The following TBC1D7 variants were observed in gnomAD, a reference collection of about 807,000 sequenced individuals.
The protein encoded by TBC1D7 is TBC domain family 7.
TBC1D7 carries 33 observed loss-of-function variants against 35.3 expected under a neutral mutation model. The ratio of observed to expected loss-of-function variants is 0.93; its 90% CI spans 0.71 to 1.25. The LOEUF (loss-of-function observed/expected upper bound fraction) is 1.25, where lower values mean the gene tolerates loss of function less well. Ranked by LOEUF, TBC1D7 falls within the 50% of genes most tolerant of loss-of-function variation. The pLI is 0.00. For missense variants in TBC1D7, 362 were observed against 365.3 expected (o/e 0.99, Z 0.07); for synonymous variants, 135 against 129.5 (o/e 1.04, Z -0.29).
intron 5 of TBC1D7, 88 bp downstream of exon 5, chr6:13,316,483 A>T: frequency 7.3e-7 from 1 of 1,377,424 alleles, no homozygotes; most frequent in South Asian, 1.3e-5. Context: ...TCAGAATTGC[A>T]GCAGCCCCAG....
At position 13,307,615 on chromosome 6, in the gene TBC1D7, T is replaced by A. The variant is rs371222692; in HGVS notation, c.650A>T (p.Glu217Val). 17 of 1,614,058 alleles carry A rather than the reference T, an allele frequency of 1.1e-5. No homozygotes were observed. Among genetic ancestry groups the A allele is most frequent in the Non-Finnish European group, 1.4e-5 (17 of 1,180,044 alleles). The change falls in exon 6 of 8, where the codon GAA becomes GTA. Residue 217 changes from glutamate to valine, a missense_variant. Coordinates refer to ENST00000379300, the MANE Select transcript of TBC1D7 (RefSeq NM_016495.6). The part of the protein sequence containing the change: ...FKRCFAGCLP[E>V]SSLQRVWDKV... ...ACCTACTTGCCTCTGTAAACTGGATTCAGGCAAACATCCCGCAAAGCACCT... is the reference window on the plus strand; with the variant it reads ...ACCTACTTGCCTCTGTAAACTGGATACAGGCAAACATCCCGCAAAGCACCT...
Position 13,307,639 on chromosome 6 carries a change from C to T in TBC1D7, c.626G>A (p.Arg209Lys). The T allele has an allele frequency of 6.2e-7, 1 of 1,614,148 alleles. No individual in the cohort carries two copies. Among genetic ancestry groups the T allele is most frequent in the Non-Finnish European group, 8.5e-7 (1 of 1,180,030 alleles). ...PKLPYDLWFK[R>K]CFAGCLPESS... is the part of the protein sequence containing the mutation. ...TTCAGGCAAACATCCCGCAAAGCACCTCTTGAACCAGAGATCATAAGGAAG... is the reference window on the plus strand; with the variant it reads ...TTCAGGCAAACATCCCGCAAAGCACTTCTTGAACCAGAGATCATAAGGAAG... The change falls in exon 6 of 8, where the codon AGG becomes AAG. Residue 209 changes from arginine (R) to lysine (K), a missense_variant. Arg to Lys is a conservative substitution (Grantham distance 26). Transcript: ENST00000379300.
At chr6:13,327,212 AT>A (rs1166110694) in intron 1 of TBC1D7, among the ~76,000 whole-genome samples, 3 of 152,218 alleles carry the variant, frequency 2.0e-5, no homozygotes, top group Non-Finnish European at 4.4e-5. Flanking sequence ...ACAATAGAAC[AT>A]TCTGTAGCTA....
rs1037735157 is a variant in TBC1D7 at position 13,307,534 on chromosome 6, C to T, written c.665+66G>A. The T allele has an allele frequency of 7.8e-6, 12 of 1,535,302 alleles. No homozygotes were observed. In the African/African-American group the frequency reaches 1.2e-4, roughly 16 times the overall value. On this transcript the variant is annotated intron_variant, in intron 6 of 7. Transcript: ENST00000379300. ...GCAAATTTATAATCTGAGGGATGAC[C>T]ACATGAAAGGCCAGAACTCTGCTCT...
At chr6:13,317,859 G>A (rs927314264) in intron 4 of TBC1D7, among the ~76,000 whole-genome samples, 8 of 152,216 alleles carry the variant, frequency 5.3e-5, no homozygotes, top group East Asian at 1.9e-4. Flanking sequence ...CAGAGTGGGC[G>A]CTAAGTAGGT....
intron 5 of TBC1D7, among the ~76,000 whole-genome samples, chr6:13,309,548 A>G (rs1482102851): frequency 6.6e-6 from 1 of 152,194 alleles, no homozygotes; most frequent in East Asian, 1.9e-4. Flanking sequence ...GCCAATATCT[A>G]ATTAATTTCT....
Position 13,305,148 on chromosome 6 carries a change from T to C in TBC1D7, c.835A>G (p.Ile279Val), listed in dbSNP as rs1445418930. The C allele has an allele frequency of 1.2e-6, 2 of 1,614,120 alleles. No homozygotes were observed. Among genetic ancestry groups the C allele is most frequent in the South Asian group, 1.1e-5 (1 of 91,080 alleles). ...CCACAGTGTTTGTGCCACAAGTCAATGGCCTTGCTCACGATCGCGTCTGAG... is the reference window on the plus strand; with the variant it reads ...CCACAGTGTTTGTGCCACAAGTCAACGGCCTTGCTCACGATCGCGTCTGAG... ...DSSDAIVSKA[I>V]DLWHKHCGTP... The change falls in exon 8 of 8, where the codon ATT becomes GTT. Residue 279 changes from isoleucine to valine, a missense_variant. Physicochemically the swap from Ile to Val is conservative, Grantham distance 29. Coordinates refer to ENST00000379300, the MANE Select transcript of TBC1D7 (RefSeq NM_016495.6).
intron 4 of TBC1D7, chr6:13,319,815 A>C (rs902691902): frequency 6.6e-6 from 1 of 152,234 alleles, no homozygotes; most frequent in African/African-American, 2.4e-5. Context: ...GCAAAAGTTT[A>C]ATAAGGAATA....
At chr6:13,316,538 C>G in intron 5 of TBC1D7, 33 bp downstream of exon 5, 1 of 1,594,598 alleles carries the variant, frequency 6.3e-7, no homozygotes, top group South Asian at 1.1e-5. Flanking sequence ...ATTGTTCACT[C>G]TCCAATAGCC....
intron 5 of TBC1D7, 96 bp from the exon 6 acceptor site, chr6:13,307,841 C>A: frequency 7.6e-7 from 1 of 1,316,976 alleles, no homozygotes; most frequent in South Asian, 1.4e-5. Flanking sequence ...ATGCTGAATT[C>A]AAGGAAGTAT....
chr6:13,326,866 T>A lies in TBC1D7; in HGVS notation c.33A>T (p.Ser11=), dbSNP rs779252882. 6.2e-7 allele frequency: 1 copy of A among 1,611,606 alleles called. No individual in the cohort carries two copies. The highest frequency in any genetic ancestry group is 1.7e-5 in the Admixed American group (1 of 59,618). ...GAAACCCCACTTTCTCATAATATAC[T>A]GAACGAAAGTTTCTCTGAGAGTCCT... is the stretch of plus-strand genomic sequence containing the variant. MTEDSQRNFR[S]VYYEKVGFRG... is the part of the protein sequence containing the mutation. Residue 11 remains serine, a synonymous_variant, in exon 2 of 8, where the codon TCA becomes TCT. Transcript: ENST00000379300.
intron 5 of TBC1D7, among the ~76,000 whole-genome samples, chr6:13,311,718 G>A (rs1783226745): frequency 6.6e-6 from 1 of 152,188 alleles, no homozygotes; most frequent in Non-Finnish European, 1.5e-5. Flanking sequence ...AAGTTTAAGG[G>A]ACATGAAGTG....
chr6:13,323,865 C>G (rs535271821), intron 3 of TBC1D7: 1 of 152,242 alleles, frequency 6.6e-6, no homozygotes, highest in Non-Finnish European at 1.5e-5. Context: ...AGCTCAAATC[C>G]TAGCTCTGCC....
intron 3 of TBC1D7, chr6:13,323,885 C>A (rs1057281446): frequency 6.6e-6 from 1 of 152,208 alleles, no homozygotes; most frequent in Non-Finnish European, 1.5e-5. Context: ...CACTTACAGG[C>A]TATAATGCCT....
At chr6:13,325,538 C>T (rs1318347471) in intron 2 of TBC1D7, among the ~76,000 whole-genome samples, 1 of 152,182 alleles carries the variant, frequency 6.6e-6, no homozygotes, top group Non-Finnish European at 1.5e-5. Context: ...TGGCACACAC[C>T]TGTGATCCCA....
chr6:13,325,212 T>G, intron 2 of TBC1D7, 38 bp from the exon 3 acceptor site: 1 of 1,446,294 alleles, frequency 6.9e-7, no homozygotes. Context: ...AAGCTTTTCA[T>G]GCTGATCACA....
At chr6:13,317,296 C>A (rs1490190896) in intron 4 of TBC1D7, among the ~76,000 whole-genome samples, 1 of 152,106 alleles carries the variant, frequency 6.6e-6, no homozygotes, top group Non-Finnish European at 1.5e-5. Flanking sequence ...ACTCAGAATG[C>A]GAAAGTAAAC....
chr6:13,319,469 G>GAAAAAAAAAAAAAAAAAAAAAA (rs1236035284), intron 4 of TBC1D7: 1 of 98,118 alleles, frequency 1.0e-5, no homozygotes, highest in Non-Finnish European at 2.2e-5. Context: ...TCAAAAAAAA[G>GAAAAAAAAAAAAAAAAAAAAAA]AAAAAAAAAA....
chr6:13,306,030 A>C, intron 7 of TBC1D7: 1 of 201,142 alleles, frequency 5.0e-6, no homozygotes, highest in Non-Finnish European at 1.0e-5. Context: ...GTCTCAGACC[A>C]TCATTTCCCA....
Sources: allele counts gnomAD v4.1 joint callset (sites outside exome capture counted in the v4.1 genomes callset), GRCh38; gene constraint gnomAD v4.1.1; transcripts MANE v1.5; gene names NCBI Gene and HGNC (gene_info 2026-07-23, HGNC 2026-07-21).